Variants in CEP112 observed in about 807,000 individuals in gnomAD.
CEP112 encodes the protein centrosomal protein of 112 kDa.
In CEP112, 127 loss-of-function variants were observed where a neutral mutation model predicts 153.0. That is an observed-to-expected ratio of 0.83 (90% CI 0.72 to 0.96). CEP112 has a LOEUF of 0.96. Ranked by LOEUF, CEP112 falls within the 40% of genes least tolerant of loss-of-function variation. The pLI, the probability that CEP112 is intolerant of heterozygous loss-of-function variation, is 0.00. For missense variants in CEP112, 1,089 were observed against 1,101.2 expected (o/e 0.99, Z 0.16); for synonymous variants, 358 against 374.4 (o/e 0.96, Z 0.51).
intron 6 of CEP112, among the ~76,000 whole-genome samples, chr17:66,109,167 T>C (rs903318503): frequency 2.0e-5 from 3 of 152,168 alleles, no homozygotes. Flanking sequence ...GGTACAAAAA[T>C]ATCGTTAGAG....
At chr17:66,006,169 T>C (rs372920930) in intron 16 of CEP112, among the ~76,000 whole-genome samples, 1 of 152,164 alleles carries the variant, frequency 6.6e-6, no homozygotes, top group South Asian at 2.1e-4. Context: ...TCTCTTCCAC[T>C]GCTGGGAATA....
At chr17:65,745,824 A>G (rs1342567013) in intron 22 of CEP112, among the ~76,000 whole-genome samples, 1 of 152,190 alleles carries the variant, frequency 6.6e-6, no homozygotes, top group South Asian at 2.1e-4. Flanking sequence ...GTAACTGACC[A>G]AAGAATAAAG....
intron 24 of CEP112, among the ~76,000 whole-genome samples, chr17:65,654,672 G>T (rs1446096220): frequency 6.6e-6 from 1 of 152,198 alleles, no homozygotes; most frequent in Admixed American, 6.5e-5. Context: ...TTAGGTTTAG[G>T]TGCTCTAAAT....
At chr17:65,799,729 A>G (rs1262302745) in intron 21 of CEP112, among the ~76,000 whole-genome samples, 7 of 152,230 alleles carry the variant, frequency 4.6e-5, no homozygotes, top group African/African-American at 1.7e-4. Flanking sequence ...CATTGACGCA[A>G]GTCAAACAAC....
intron 20 of CEP112, among the ~76,000 whole-genome samples, chr17:65,890,807 TG>T (rs34029074): frequency 0.17 from 25,645 of 152,068 alleles, 2,660 homozygotes; most frequent in South Asian, 0.31. Context: ...AACAATCCGG[TG>T]ATATCATCAG....
In CEP112 at chr17:66,145,919, T is replaced by C. The variant is rs533013294; in HGVS notation, c.471-13156A>G. 2.6e-5 allele frequency among the ~76,000 whole-genome samples: 4 copies of C among 152,196 alleles called. No homozygotes were observed. In the South Asian group the frequency reaches 8.3e-4, roughly 32 times the overall value. ...TTCTGTATCTAGTGAGATGATTACA[T>C]TATATTTCTAAAACTATGATGAAAT... On this transcript the variant is annotated intron_variant, in intron 4 of 26. Coordinates refer to ENST00000535342, the MANE Select transcript of CEP112 (RefSeq NM_001199165.4).
chr17:65,809,986 T>C (rs1333620767), intron 21 of CEP112, among the ~76,000 whole-genome samples: 2 of 152,160 alleles, frequency 1.3e-5, no homozygotes, highest in Admixed American at 6.5e-5. Flanking sequence ...GAAGGAGTGA[T>C]CAATGGTGTC....
chr17:65,891,772 T>A (rs2059476035), intron 20 of CEP112, among the ~76,000 whole-genome samples: 1 of 152,198 alleles, frequency 6.6e-6, no homozygotes, highest in South Asian at 2.1e-4. Context: ...GCTATGCTCA[T>A]GCCAGACAGG....
At chr17:65,960,252 T>C (rs1199161634) in intron 18 of CEP112, among the ~76,000 whole-genome samples, 1 of 152,126 alleles carries the variant, frequency 6.6e-6, no homozygotes, top group Non-Finnish European at 1.5e-5. Context: ...AAAAAGATTG[T>C]ACTAAAACAG....
chr17:65,844,177 A>C (rs1311209943), intron 21 of CEP112, among the ~76,000 whole-genome samples: 2 of 152,226 alleles, frequency 1.3e-5, no homozygotes, highest in African/African-American at 4.8e-5. Flanking sequence ...ACTGTTTTTC[A>C]CAAACATGTA....
chr17:66,050,001 G>C (rs2066371962), intron 12 of CEP112, among the ~76,000 whole-genome samples: 1 of 121,718 alleles, frequency 8.2e-6, no homozygotes, highest in South Asian at 3.5e-4. Context: ...TAAATACTCA[G>C]AACTAAATTA....
intron 8 of CEP112, among the ~76,000 whole-genome samples, chr17:66,087,583 G>T (rs1267079927): frequency 6.6e-6 from 1 of 152,096 alleles, no homozygotes; most frequent in African/African-American, 2.4e-5. Flanking sequence ...CAGCAAGATG[G>T]CAGACTAGGA....
chr17:65,860,065 G>A (rs965415743), intron 20 of CEP112, among the ~76,000 whole-genome samples: 1 of 150,492 alleles, frequency 6.6e-6, no homozygotes, highest in Non-Finnish European at 1.5e-5. Flanking sequence ...TGCCATGACG[G>A]TATATATAAA....
intron 9 of CEP112, 147 bp from the exon 10 acceptor site, chr17:66,067,024 C>T (rs1021286844): frequency 0.021 from 1,246 of 58,094 alleles, 12 homozygotes; most frequent in African/African-American, 0.085. Context: ...TAAACACACA[C>T]ACACACACAC....
chr17:66,120,700 A>G (rs2069535669), intron 6 of CEP112, among the ~76,000 whole-genome samples: 1 of 152,026 alleles, frequency 6.6e-6, no homozygotes, highest in African/African-American at 2.4e-5. Context: ...TAGTGTCTGT[A>G]ATGATATCTT....
intron 23 of CEP112, among the ~76,000 whole-genome samples, chr17:65,689,532 T>C (rs1033418858): frequency 3.3e-5 from 5 of 152,206 alleles, no homozygotes; most frequent in African/African-American, 7.2e-5. Context: ...CATAACACTA[T>C]TGCAATGAAA....
chr17:65,713,980 C>T (rs1276436718), intron 23 of CEP112, among the ~76,000 whole-genome samples: 1 of 152,170 alleles, frequency 6.6e-6, no homozygotes, highest in Non-Finnish European at 1.5e-5. Flanking sequence ...CAGTCTTCAT[C>T]TGTCAATTGG....
intron 17 of CEP112, among the ~76,000 whole-genome samples, chr17:65,988,363 A>G (rs2063478473): frequency 6.6e-6 from 1 of 152,270 alleles, no homozygotes; most frequent in Non-Finnish European, 1.5e-5. Flanking sequence ...ATGCAAAGAC[A>G]CAGATGAACA....
At chr17:65,668,565 T>C (rs937256436) in intron 24 of CEP112, among the ~76,000 whole-genome samples, 1 of 152,194 alleles carries the variant, frequency 6.6e-6, no homozygotes, top group African/African-American at 2.4e-5. Context: ...TAAAACCACC[T>C]GCCTGTATGT....
Sources: gnomAD v4.1 joint callset for allele counts (sites outside exome capture counted in the v4.1 genomes callset) on GRCh38, gnomAD v4.1.1 for gene constraint, MANE v1.5 for transcripts, NCBI Gene and HGNC (gene_info 2026-07-23, HGNC 2026-07-21) for gene names.